The following TM2D3 variants were observed in gnomAD, a reference collection of about 807,000 sequenced individuals.
The protein encoded by TM2D3 is TM2 domain containing 3.
A neutral mutation model predicts 27.3 loss-of-function variants in TM2D3; 33 were observed. That is an observed-to-expected ratio of 1.21 (90% CI 0.92 to 1.61). The LOEUF (loss-of-function observed/expected upper bound fraction) is 1.61, where lower values mean the gene tolerates loss of function less well. Ranked by LOEUF, TM2D3 falls within the 40% of genes most tolerant of loss-of-function variation. The pLI is 0.00. For missense variants in TM2D3, 364 were observed against 320.8 expected, an observed-to-expected ratio of 1.13 and a Z score of -1.03; for synonymous variants, 138 against 122.2, an observed-to-expected ratio of 1.13 and a Z score of -0.85.
At chr15:101,639,856 C>T (rs996081416), downstream of TM2D3, among the ~76,000 whole-genome samples, 1 of 152,214 alleles carries the variant, frequency 6.6e-6, no homozygotes, top group African/African-American at 2.4e-5. Flanking sequence ...GGCATTAACT[C>T]AGCAAATAAA....
chr15:101,648,834 AAAAT>A (rs58358097), intron 3 of TM2D3, among the ~76,000 whole-genome samples: 22,132 of 152,174 alleles, frequency 0.15, 2,221 homozygotes, highest in African/African-American at 0.28. Flanking sequence ...ATGCAGCTAA[AAAAT>A]AAGCACACTT....
In TM2D3 at chr15:101,642,523, C is replaced by A. The variant is rs763114136; in HGVS notation, c.700G>T (p.Gly234Ter). 16 of 1,613,522 alleles carry A rather than the reference C, an allele frequency of 9.9e-6. No homozygotes were observed. In the South Asian group the frequency reaches 1.8e-4, roughly 18 times the overall value. Residue 234 changes from glycine to a stop codon, truncating the protein, a stop_gained, in exon 6 of 6, where the codon GGA (glycine) becomes TGA (stop). Coordinates refer to ENST00000333202, the MANE Select transcript of TM2D3 (RefSeq NM_078474.3). LOFTEE classifies it high-confidence loss of function. The stretch of plus-strand genomic sequence containing the variant: ...TCTGCTGGTCCAACATAGCCAACTC[C>A]AATGAGCAGGACGTCTATCAGCGTC... ...IWTLIDVLLI[G>*]VGYVGPADGS...
At chr15:101,648,263 T>C (rs372501596) in intron 3 of TM2D3, 16 of 152,244 alleles carry the variant, frequency 1.1e-4, no homozygotes, top group African/African-American at 3.6e-4. Flanking sequence ...GCCATCCTAA[T>C]TCTCTCTGTA....
Position 101,646,748 on chromosome 15 carries a change from A to C in TM2D3, c.479T>G (p.Val160Gly). The C allele has an allele frequency of 6.2e-7, 1 of 1,614,148 alleles. No individual in the cohort carries two copies. Among genetic ancestry groups the C allele is most frequent in the Non-Finnish European group, 8.5e-7 (1 of 1,180,002 alleles). The stretch of plus-strand genomic sequence containing the variant: ...ACCCAAGCAGTGGACGTGGTCCCGC[A>C]CCGTGCAGTTGGCAGGGTAGCGCTG... ...PRQRYPANCTVRDHVHCLGNR... is the reference protein window; with the variant it reads ...PRQRYPANCTGRDHVHCLGNR... Residue 160 changes from valine (V) to glycine (G), a missense_variant, in exon 4 of 6, where the codon GTG (valine) becomes GGG (glycine). Physicochemically the swap from Val to Gly is moderately radical, Grantham distance 109. Coordinates refer to ENST00000333202, the MANE Select transcript of TM2D3 (RefSeq NM_078474.3).
intron 2 of TM2D3, chr15:101,650,410 T>C: frequency 8.1e-6 from 3 of 368,284 alleles, no homozygotes; most frequent in Non-Finnish European, 1.5e-5. Flanking sequence ...CCGTGAAAAC[T>C]AAAGGTGCTC....
intron 5 of TM2D3, 111 bp downstream of exon 5, chr15:101,644,976 C>A (rs554009183): frequency 1.2e-5 from 11 of 920,972 alleles, no homozygotes; most frequent in Non-Finnish European, 1.9e-5. Context: ...GTCTAACACA[C>A]GTGGTAGGAT....
At chr15:101,647,920 T>C (rs1398571718) in intron 3 of TM2D3, among the ~76,000 whole-genome samples, 1 of 152,000 alleles carries the variant, frequency 6.6e-6, no homozygotes, top group African/African-American at 2.4e-5. Context: ...TTTTTTGAGA[T>C]GGAGTCTCGC....
chr15:101,646,404 A>AGCACTCAGGCACTCAG (rs528704430), intron 4 of TM2D3: 38 of 250,514 alleles, frequency 1.5e-4, no homozygotes, highest in East Asian at 9.5e-4. Flanking sequence ...GGTGAAGGCA[A>AGCACTCAGGCACTCAG]GCACTCAGGC....
At chr15:101,651,923 G>A (rs1896987140) in intron 1 of TM2D3, 150 bp from the exon 2 acceptor site, 2 of 772,486 alleles carry the variant, frequency 2.6e-6, no homozygotes, top group South Asian at 3.0e-5. Flanking sequence ...CAAAGCTTAG[G>A]GACGAAACGT....
chr15:101,651,485 AAGAG>A lies in TM2D3; in HGVS notation c.169+207_169+210del, dbSNP rs1276247378. On this transcript the variant is annotated intron_variant, in intron 2 of 5. Coordinates refer to ENST00000333202, the MANE Select transcript of TM2D3 (RefSeq NM_078474.3). Reference sequence around the variant, plus strand: ...TGACAAATGAGCGTGGGATTGGAAAAAGAGAGGAGGCAGAAACGTCAAAAGGTAT... The same window carrying A: ...TGACAAATGAGCGTGGGATTGGAAAAAGGAGGCAGAAACGTCAAAAGGTAT... The A allele has an allele frequency of 1.1e-4, 54 of 486,420 alleles. 1 individual carries two copies. In the East Asian group the frequency reaches 1.6e-3, roughly 14 times the overall value. The allele number at this position is 486,420 out of a possible 1,614,324, so 30.1% of individuals were successfully genotyped here. A position where few individuals can be genotyped will look rare whatever the true frequency, so the allele number is the denominator to read the frequency against.
chr15:101,649,991 C>T lies in TM2D3; in HGVS notation c.327+13G>A. ...AATGAATTTATTTAGAATAAGTAAG[C>T]TGCAGTACTTACAACACAGGTAACA... On this transcript the variant is annotated intron_variant, in intron 3 of 5. Coordinates refer to ENST00000333202, the MANE Select transcript of TM2D3 (RefSeq NM_078474.3). 1.2e-6 allele frequency: 2 copies of T among 1,610,034 alleles called. No individual in the cohort carries two copies. Among genetic ancestry groups the T allele is most frequent in the Non-Finnish European group, 1.7e-6 (2 of 1,177,806 alleles).
exon 5 of TM2D3, chr15:101,633,657 C>CCA (rs1346239615): frequency 2.6e-6 from 4 of 1,530,696 alleles, no homozygotes; most frequent in Non-Finnish European, 3.5e-6. Flanking sequence ...CCTCAAAAAT[C>CCA]CACCTTTTTC....
chr15:101,649,485 T>C (rs974163676), intron 3 of TM2D3, among the ~76,000 whole-genome samples: 37 of 152,338 alleles, frequency 2.4e-4, no homozygotes, highest in African/African-American at 8.2e-4. Flanking sequence ...CATTACATCT[T>C]TGGACTATCT....
intron 2 of TM2D3, 48 bp downstream of exon 2, chr15:101,651,648 T>C: frequency 6.5e-7 from 1 of 1,537,070 alleles, no homozygotes; most frequent in Non-Finnish European, 8.9e-7. Context: ...AAAGAGAAAC[T>C]ACTAGAGATA....
downstream of TM2D3, among the ~76,000 whole-genome samples, chr15:101,638,309 T>G (rs189984084): frequency 3.9e-5 from 6 of 152,156 alleles, no homozygotes; most frequent in East Asian, 1.2e-3. Context: ...TTTTTTTTTT[T>G]TGGAGACAGA....
At chr15:101,648,207 A>T (rs1262193887) in intron 3 of TM2D3, 1 of 151,842 alleles carries the variant, frequency 6.6e-6, no homozygotes, top group Non-Finnish European at 1.5e-5. Flanking sequence ...CATGTTTGTT[A>T]TTTTTTTTAA....
At chr15:101,643,223 T>G (rs1896713457) in intron 5 of TM2D3, among the ~76,000 whole-genome samples, 1 of 152,180 alleles carries the variant, frequency 6.6e-6, no homozygotes. Flanking sequence ...CTTGGCCAGC[T>G]GTGTTTCATC....
At chr15:101,651,180 T>C (rs1312889549) in intron 2 of TM2D3, 1 of 153,274 alleles carries the variant, frequency 6.5e-6, no homozygotes, top group African/African-American at 2.4e-5. Context: ...AAAGCAGAAA[T>C]GACTTTAGGT....
At chr15:101,633,843 C>G in intron 4 of TM2D3, 1 of 856,062 alleles carries the variant, frequency 1.2e-6, no homozygotes, top group Non-Finnish European at 1.7e-6. Context: ...AGGACATTCA[C>G]AACTTGATTG....
Sources: allele counts gnomAD v4.1 joint callset (sites outside exome capture counted in the v4.1 genomes callset), GRCh38; gene constraint gnomAD v4.1.1; transcripts MANE v1.5; gene names NCBI Gene and HGNC (gene_info 2026-07-23, HGNC 2026-07-21).